Variants in AGBL1 observed in about 807,000 individuals in gnomAD.
The protein encoded by AGBL1 is AGBL carboxypeptidase 1.
In AGBL1, 130 loss-of-function variants were observed where a neutral mutation model predicts 118.9. That is an observed-to-expected ratio of 1.09 (90% CI 0.95 to 1.26). The LOEUF (loss-of-function observed/expected upper bound fraction) is 1.26, where lower values mean the gene tolerates loss of function less well. AGBL1 is among the 50% of genes most tolerant of loss of function. The pLI is 0.00. For synonymous variants in AGBL1, 555 were observed against 478.9 expected, an observed-to-expected ratio of 1.16 and a Z score of -2.08; for missense variants, 1,584 against 1,298.1, an observed-to-expected ratio of 1.22 and a Z score of -3.38.
At chr15:86,396,103 C>G (rs377521055) in intron 17 of AGBL1, among the ~76,000 whole-genome samples, 130 of 147,484 alleles carry the variant, frequency 8.8e-4, no homozygotes, top group African/African-American at 3.0e-3. Context: ...TCTATTGTAT[C>G]TATGTGTGTG....
chr15:86,105,781 A>C (rs1335564552), intron 1 of AGBL1, among the ~76,000 whole-genome samples: 1 of 152,206 alleles, frequency 6.6e-6, no homozygotes, highest in Non-Finnish European at 1.5e-5. Flanking sequence ...AGGCCAACCC[A>C]ATCACAGTTC....
At chr15:86,266,516 A>G (rs1227534783) in intron 12 of AGBL1, 59 bp downstream of exon 12, 2 of 1,204,832 alleles carry the variant, frequency 1.7e-6, no homozygotes, top group Admixed American at 2.3e-5. Context: ...TAATGGCATG[A>G]GAATAGACAT....
Position 86,279,734 on chromosome 15 carries a change from A to T in AGBL1, c.2171A>T (p.Asp724Val), listed in dbSNP as rs1255102720. Residue 724 changes from aspartate to valine, a missense_variant, in exon 16 of 23, where the codon GAT (aspartate) becomes GTT (valine). Asp to Val is a radical substitution (Grantham distance 152, BLOSUM62 -3). Transcript: ENST00000614907. ...GCTGTCACCTTCCCACACAGTGAGGATGTCTGCTACCTGGCCTACCACTAT... is the reference window on the plus strand; with the variant it reads ...GCTGTCACCTTCCCACACAGTGAGGTTGTCTGCTACCTGGCCTACCACTAT... ...TFAVTFPHSE[D>V]VCYLAYHYPY... The T allele has an allele frequency of 6.2e-7, 1 of 1,613,802 alleles. No individual in the cohort carries two copies.
chr15:86,397,511 A>G lies in AGBL1; in HGVS notation c.2520A>G (p.Ile840Met). Residue 840 changes from isoleucine (I) to methionine (M), a missense_variant, in exon 18 of 23, where the codon ATA (isoleucine) becomes ATG (methionine). By Grantham distance (10) the Ile-to-Met change is conservative. Coordinates refer to ENST00000614907, the MANE Select transcript of AGBL1 (RefSeq NM_001386094.1). ...LLRENFIFKI[I>M]PMLNPDGVIN... Reference sequence around the variant, plus strand: ...GGGAAAACTTCATCTTCAAGATCATACCCATGCTCAACCCAGATGGTGTCA... The same window carrying G: ...GGGAAAACTTCATCTTCAAGATCATGCCCATGCTCAACCCAGATGGTGTCA... The G allele has an allele frequency of 6.2e-7, 1 of 1,612,342 alleles. No individual in the cohort carries two copies. The highest frequency in any genetic ancestry group is 1.1e-5 in the South Asian group (1 of 90,948).
intron 21 of AGBL1, among the ~76,000 whole-genome samples, chr15:86,649,235 T>C (rs1241264751): frequency 6.6e-6 from 1 of 152,162 alleles, no homozygotes; most frequent in African/African-American, 2.4e-5. Flanking sequence ...GGAAATAGAT[T>C]CTGGAAGGGG....
At position 86,421,102 on chromosome 15, in the gene AGBL1, A is replaced by G. The variant is rs567321546; in HGVS notation, c.2555+23556A>G. On this transcript the variant is annotated intron_variant, in intron 18 of 22. Transcript: ENST00000614907. The stretch of plus-strand genomic sequence containing the variant: ...AGGCCAACATTCCAATTCAGGAAAT[A>G]CAGTGAACAATACAAACAGCAACTT... Among the ~76,000 whole-genome samples, 63 of 152,318 alleles carry G rather than the reference A, an allele frequency of 4.1e-4. No individual in the cohort carries two copies. In the South Asian group the frequency reaches 0.012, roughly 30 times the overall value.
chr15:86,812,121 C>T (rs1198338468), intron 22 of AGBL1, among the ~76,000 whole-genome samples: 1 of 152,194 alleles, frequency 6.6e-6, no homozygotes, highest in African/African-American at 2.4e-5. Context: ...TCCTGATACC[C>T]ATCCTAGCCT....
intron 5 of AGBL1, among the ~76,000 whole-genome samples, chr15:86,223,536 CTG>C (rs1567137422): frequency 6.6e-6 from 1 of 152,156 alleles, no homozygotes; most frequent in African/African-American, 2.4e-5. Context: ...TGTGAAAACT[CTG>C]TGGGATTCAA....
intron 22 of AGBL1, among the ~76,000 whole-genome samples, chr15:86,717,195 G>A (rs1200744655): frequency 1.3e-5 from 2 of 152,186 alleles, no homozygotes; most frequent in Non-Finnish European, 2.9e-5. Context: ...GAGATGAAAT[G>A]TGATAAGAGC....
intron 1 of AGBL1, among the ~76,000 whole-genome samples, chr15:86,102,642 G>A (rs1398113767): frequency 6.6e-6 from 1 of 152,174 alleles, no homozygotes; most frequent in Non-Finnish European, 1.5e-5. Flanking sequence ...TTTCTGTTGA[G>A]AAATTCCCTG....
chr15:86,706,942 G>C (rs1205043878), intron 22 of AGBL1, among the ~76,000 whole-genome samples: 1 of 152,096 alleles, frequency 6.6e-6, no homozygotes, highest in Non-Finnish European at 1.5e-5. Context: ...AAAGGGATAA[G>C]AGTGGAAAAC....
intron 22 of AGBL1, among the ~76,000 whole-genome samples, chr15:86,809,407 T>G (rs1438846845): frequency 6.6e-6 from 1 of 152,172 alleles, no homozygotes; most frequent in Non-Finnish European, 1.5e-5. Context: ...TCCACTCCTC[T>G]CACATATATA....
intron 24 of AGBL1, among the ~76,000 whole-genome samples, chr15:87,009,704 C>G (rs1029493526): frequency 8.5e-5 from 13 of 152,204 alleles, no homozygotes; most frequent in Non-Finnish European, 4.4e-5. Flanking sequence ...AGGGGCAGAG[C>G]TCCCCAAGGC....
chr15:86,563,987 A>G (rs986770618), intron 21 of AGBL1, among the ~76,000 whole-genome samples: 8 of 152,106 alleles, frequency 5.3e-5, no homozygotes, highest in Non-Finnish European at 8.8e-5. Context: ...TGCTTGGTAG[A>G]TCTTCCTCCA....
intron 18 of AGBL1, among the ~76,000 whole-genome samples, chr15:86,481,902 C>T (rs912913071): frequency 6.6e-6 from 1 of 152,044 alleles, no homozygotes; most frequent in Non-Finnish European, 1.5e-5. Context: ...ACTCAAATGA[C>T]TCATTTAATA....
intron 6 of AGBL1, among the ~76,000 whole-genome samples, chr15:86,230,886 G>A (rs983566205): frequency 3.3e-5 from 5 of 152,124 alleles, no homozygotes; most frequent in African/African-American, 9.7e-5. Flanking sequence ...TTAGCCCCAA[G>A]GCGGCCTCTG....
At chr15:86,947,935 T>G (rs960799280) in intron 23 of AGBL1, among the ~76,000 whole-genome samples, 2 of 152,218 alleles carry the variant, frequency 1.3e-5, no homozygotes, top group Non-Finnish European at 2.9e-5. Context: ...GGAGAAACAT[T>G]AATTATCTGC....
exon 25 of AGBL1, chr15:87,028,952 A>T: frequency 7.9e-7 from 1 of 1,259,540 alleles, no homozygotes. Context: ...GTCTTATGGA[A>T]AATGTTGCTC....
chr15:86,932,322 C>G (rs1387227326), intron 23 of AGBL1, among the ~76,000 whole-genome samples: 1 of 152,196 alleles, frequency 6.6e-6, no homozygotes, highest in Non-Finnish European at 1.5e-5. Context: ...ACTTTAGGCT[C>G]TGTCAACACA....
Sources: allele counts gnomAD v4.1 joint callset (sites outside exome capture counted in the v4.1 genomes callset), GRCh38; gene constraint gnomAD v4.1.1; transcripts MANE v1.5; gene names NCBI Gene and HGNC (gene_info 2026-07-23, HGNC 2026-07-21).